WFDC10B: variants seen among roughly 807,000 people sequenced by gnomAD.
The protein encoded by WFDC10B is WAP four-disulfide core domain 10B, also known as protein WFDC10B.
In WFDC10B, 1 loss-of-function variant was observed where a neutral mutation model predicts 2.7. That is an observed-to-expected ratio of 0.38 (90% CI 0.13 to 1.79). The LOEUF is 1.79. WFDC10B is among the 40% of genes most tolerant of loss of function. The probability of loss-of-function intolerance (pLI) is 0.33; values close to 1 mark genes in which losing one functional copy is unlikely to be tolerated. For synonymous variants in WFDC10B, 26 were observed against 32.2 expected, an observed-to-expected ratio of 0.81 and a Z score of 0.65; for missense variants, 71 against 87.8, an observed-to-expected ratio of 0.81 and a Z score of 0.76.
intron 2 of WFDC10B, among the ~76,000 whole-genome samples, chr20:45,700,884 A>G (rs1984132833): frequency 6.6e-6 from 1 of 152,258 alleles, no homozygotes; most frequent in South Asian, 2.1e-4. Context: ...TTATTTGCCT[A>G]TGATAAACAC....
chr20:45,688,965 T>C (rs937210569), intron 2 of WFDC10B, among the ~76,000 whole-genome samples: 6 of 151,900 alleles, frequency 3.9e-5, no homozygotes, highest in African/African-American at 1.2e-4. Flanking sequence ...AGGGTTTTTA[T>C]GGTTTTAGGT....
intron 2 of WFDC10B, chr20:45,701,929 C>T: frequency 1.7e-6 from 1 of 583,618 alleles, no homozygotes; most frequent in Non-Finnish European, 3.1e-6. Flanking sequence ...TATGAAAACA[C>T]TACGTGACCC....
chr20:45,686,258 G>A (rs979477793), intron 2 of WFDC10B, among the ~76,000 whole-genome samples: 10 of 152,248 alleles, frequency 6.6e-5, no homozygotes, highest in Middle Eastern at 3.4e-3. Flanking sequence ...TGCTAACAGA[G>A]TTTTTCTTTT....
At chr20:45,685,852 C>A in intron 3 of WFDC10B, 50 bp downstream of exon 3, 1 of 1,605,448 alleles carries the variant, frequency 6.2e-7, no homozygotes, top group Non-Finnish European at 8.5e-7. Context: ...ACAGCTCCTC[C>A]ATTCCCCCTA....
chr20:45,686,992 A>G (rs1463237334), intron 2 of WFDC10B, among the ~76,000 whole-genome samples: 1 of 152,162 alleles, frequency 6.6e-6, no homozygotes, highest in African/African-American at 2.4e-5. Context: ...AATTCATTAC[A>G]CAAAACTCTA....
At position 45,684,830 on chromosome 20, in the gene WFDC10B, T is replaced by G; in HGVS notation, c.222A>C (p.Ter74CysextTer?). The G allele has an allele frequency of 6.2e-7, 1 of 1,613,756 alleles. No individual in the cohort carries two copies. The highest frequency in any genetic ancestry group is 8.5e-7 in the Non-Finnish European group (1 of 1,179,760). ...TGCACATCCCAGCCCACTCTCCCAC[T>G]CATAGGATGCTCATACAAATGTTCC... ...FCGNICMSIL[*>C] The change falls in exon 4 of 4, where the codon TGA becomes TGC. Residue 74 changes from the stop codon to cysteine (C), a stop_lost. Coordinates refer to ENST00000330523, the MANE Select transcript of WFDC10B (RefSeq NM_172006.2).
intron 2 of WFDC10B, among the ~76,000 whole-genome samples, chr20:45,699,536 A>G (rs1284258216): frequency 1.3e-5 from 2 of 152,348 alleles, no homozygotes; most frequent in African/African-American, 4.8e-5. Context: ...ATTGTTTTGG[A>G]AAAAATTCAA....
intron 2 of WFDC10B, among the ~76,000 whole-genome samples, chr20:45,687,568 A>ATCTT (rs1484903661): frequency 1.3e-5 from 2 of 152,268 alleles, no homozygotes; most frequent in East Asian, 3.9e-4. Context: ...CTGGTTCTAA[A>ATCTT]TCTTTGAGGA....
intron 2 of WFDC10B, among the ~76,000 whole-genome samples, chr20:45,688,541 G>A (rs184222344): frequency 5.3e-5 from 8 of 152,226 alleles, no homozygotes; most frequent in South Asian, 4.2e-4. Context: ...ATTCTAACTG[G>A]TGTGAGATGA....
intron 2 of WFDC10B, among the ~76,000 whole-genome samples, chr20:45,699,653 A>G (rs556469718): frequency 6.6e-6 from 1 of 152,324 alleles, no homozygotes; most frequent in South Asian, 2.1e-4. Context: ...AATCGGCAAT[A>G]TCTAGCCAAA....
At chr20:45,703,029 G>T (rs933947999) in intron 2 of WFDC10B, among the ~76,000 whole-genome samples, 2 of 152,198 alleles carry the variant, frequency 1.3e-5, no homozygotes, top group African/African-American at 4.8e-5. Context: ...CAAGCTACAA[G>T]AAAATAGGAG....
At chr20:45,685,623 C>T (rs952096135) in intron 3 of WFDC10B, among the ~76,000 whole-genome samples, 1 of 152,154 alleles carries the variant, frequency 6.6e-6, no homozygotes, top group Non-Finnish European at 1.5e-5. Flanking sequence ...GATTCTCAGC[C>T]CTGGTTCACC....
At chr20:45,702,910 C>T (rs757506962) in intron 2 of WFDC10B, among the ~76,000 whole-genome samples, 6 of 152,122 alleles carry the variant, frequency 3.9e-5, no homozygotes, top group East Asian at 1.9e-4. Context: ...AGAATACTGG[C>T]GGCTCAGAAG....
rs1206119616 is a variant in WFDC10B at position 45,697,949 on chromosome 20, G to A, written c.-65+6548C>T. 3.3e-5 allele frequency among the ~76,000 whole-genome samples: 5 copies of A among 151,726 alleles called. No individual in the cohort carries two copies. The East Asian group carries it at 9.8e-4, about 30-fold the overall frequency. On this transcript the variant is annotated intron_variant, in intron 2 of 3. Coordinates refer to ENST00000330523, the MANE Select transcript of WFDC10B (RefSeq NM_172006.2). The stretch of plus-strand genomic sequence containing the variant: ...AGTAGAGATGGGGTTTCACTATGTT[G>A]GCCAGGCTGGTCTCGAACTCCTGGC...
chr20:45,698,978 A>G (rs1984061653), intron 2 of WFDC10B, among the ~76,000 whole-genome samples: 1 of 144,384 alleles, frequency 6.9e-6, no homozygotes, highest in East Asian at 2.3e-4. Context: ...AAAAAAAAAA[A>G]AAGAAGAAGG....
At chr20:45,701,562 G>C (rs1272426893) in intron 2 of WFDC10B, among the ~76,000 whole-genome samples, 1 of 152,088 alleles carries the variant, frequency 6.6e-6, no homozygotes, top group Non-Finnish European at 1.5e-5. Context: ...AGGAGTTCAA[G>C]ACTAGCCTGG....
At chr20:45,689,981 T>A (rs1384459161) in intron 2 of WFDC10B, among the ~76,000 whole-genome samples, 1 of 151,850 alleles carries the variant, frequency 6.6e-6, no homozygotes, top group African/African-American at 2.4e-5. Context: ...TGTGGGTTTG[T>A]CATAGATAGC....
intron 3 of WFDC10B, among the ~76,000 whole-genome samples, 156 bp downstream of exon 3, chr20:45,685,746 G>A (rs1983590352): frequency 6.6e-6 from 1 of 152,168 alleles, no homozygotes; most frequent in Non-Finnish European, 1.5e-5. Flanking sequence ...GGGGTTGGAG[G>A]GCCATGGTTT....
At chr20:45,701,327 G>A (rs1984151530) in intron 2 of WFDC10B, among the ~76,000 whole-genome samples, 1 of 152,152 alleles carries the variant, frequency 6.6e-6, no homozygotes, top group Non-Finnish European at 1.5e-5. Flanking sequence ...AAGAGTCAAT[G>A]TTTATTGGTT....
Sources: allele counts gnomAD v4.1 joint callset (sites outside exome capture counted in the v4.1 genomes callset), GRCh38; gene constraint gnomAD v4.1.1; transcripts MANE v1.5; gene names NCBI Gene and HGNC (gene_info 2026-07-23, HGNC 2026-07-21).